Variants in RASAL2 observed in about 807,000 individuals in gnomAD.
RASAL2 encodes the protein ras GTPase-activating protein nGAP.
A neutral mutation model predicts 128.9 loss-of-function variants in RASAL2; 58 were observed. The ratio of observed to expected loss-of-function variants is 0.45; its 90% CI spans 0.36 to 0.56. RASAL2 has a LOEUF of 0.56. Ranked by LOEUF, RASAL2 falls within the 20% of genes least tolerant of loss-of-function variation. The pLI, the probability that RASAL2 is intolerant of heterozygous loss-of-function variation, is 0.00. For missense variants in RASAL2, 1,360 were observed against 1,601.6 expected (o/e 0.85, Z 2.57); for synonymous variants, 561 against 580.8 (o/e 0.97, Z 0.49).
intron 5 of RASAL2, among the ~76,000 whole-genome samples, chr1:178,424,064 G>A (rs941183426): frequency 1.3e-5 from 2 of 152,090 alleles, no homozygotes; most frequent in Admixed American, 6.6e-5. Context: ...AACTCAAGAG[G>A]TGAGGGACCT....
intron 2 of RASAL2, among the ~76,000 whole-genome samples, chr1:178,295,590 G>A (rs994992847): frequency 2.0e-5 from 3 of 152,074 alleles, no homozygotes; most frequent in Non-Finnish European, 2.9e-5. Context: ...ACACCTTAAG[G>A]CAGTGGTTCG....
chr1:178,163,413 C>T (rs1661403873), intron 1 of RASAL2, among the ~76,000 whole-genome samples: 1 of 152,044 alleles, frequency 6.6e-6, no homozygotes, highest in South Asian at 2.1e-4. Context: ...CTTATGTTTT[C>T]TTCTAAGAGT....
chr1:178,396,304 T>C (rs961617796), intron 4 of RASAL2, among the ~76,000 whole-genome samples: 2 of 152,152 alleles, frequency 1.3e-5, no homozygotes, highest in East Asian at 3.8e-4. Context: ...CTCATTCTTA[T>C]AGATGATGTA....
intron 3 of RASAL2, among the ~76,000 whole-genome samples, chr1:178,382,550 A>G (rs901667307): frequency 1.3e-5 from 2 of 152,160 alleles, no homozygotes; most frequent in Non-Finnish European, 2.9e-5. Context: ...TCTAAAGCCA[A>G]ACTGCATGGA....
intron 4 of RASAL2, among the ~76,000 whole-genome samples, chr1:178,391,151 T>C (rs1258234846): frequency 6.6e-5 from 10 of 152,176 alleles, no homozygotes; most frequent in Admixed American, 6.6e-4. Context: ...GGTTCACACC[T>C]GTAATCCTAG....
chr1:178,174,041 A>G (rs973570605), intron 1 of RASAL2, among the ~76,000 whole-genome samples: 6 of 151,988 alleles, frequency 3.9e-5, no homozygotes, highest in Admixed American at 3.3e-4. Context: ...CAGTGACATT[A>G]GGACAGATTT....
chr1:178,404,702 T>G (rs1286399755), intron 4 of RASAL2, among the ~76,000 whole-genome samples: 2 of 147,530 alleles, frequency 1.4e-5, no homozygotes, highest in African/African-American at 5.0e-5. Context: ...TTTTTTTTTT[T>G]TTTGAGTCTC....
intron 1 of RASAL2, among the ~76,000 whole-genome samples, chr1:178,135,340 T>C (rs1660281089): frequency 6.6e-6 from 1 of 152,140 alleles, no homozygotes; most frequent in African/African-American, 2.4e-5. Context: ...AGTTTATACT[T>C]TCTATTTTCA....
At chr1:178,431,338 ACAAATGTCCT>A (rs1196037983) in intron 5 of RASAL2, among the ~76,000 whole-genome samples, 1 of 152,144 alleles carries the variant, frequency 6.6e-6, no homozygotes, top group Non-Finnish European at 1.5e-5. Context: ...ATAAACATGT[ACAAATGTCCT>A]CAATCTCATA....
At position 178,237,249 on chromosome 1, in the gene RASAL2, G is replaced by C. The variant is rs139956669; in HGVS notation, c.203-46315G>C. Among the ~76,000 whole-genome samples the C allele has an allele frequency of 1.3e-3, 200 of 152,112 alleles. 2 individuals are homozygous for C. The highest frequency in any genetic ancestry group is 6.9e-3 in the Admixed American group (105 of 15,258). On this transcript the variant is annotated intron_variant, in intron 1 of 17. Transcript: ENST00000367649. Reference sequence around the variant, plus strand: ...ATGATTCTGTGCTCCTCCATTTGGGGGCCCACTTTGAACACATGATGTTTG... The same window carrying C: ...ATGATTCTGTGCTCCTCCATTTGGGCGCCCACTTTGAACACATGATGTTTG...
intron 1 of RASAL2, among the ~76,000 whole-genome samples, chr1:178,232,917 G>C (rs1179419186): frequency 2.0e-5 from 3 of 152,148 alleles, no homozygotes; most frequent in African/African-American, 7.2e-5. Context: ...CCATAAAGGT[G>C]TTGGTGGGTT....
rs148045674 is a variant in RASAL2, at chr1:178,218,307, G to A, written c.203-65257G>A. 3.1e-3 allele frequency among the ~76,000 whole-genome samples: 471 copies of A among 152,278 alleles called. 2 individuals carry two copies. Among genetic ancestry groups the A allele is most frequent in the Non-Finnish European group, 4.9e-3 (330 of 68,020 alleles). On this transcript the variant is annotated intron_variant, in intron 1 of 17. Transcript: ENST00000367649. ...GTGTATCTCTATCAGAGCTCTTGGG[G>A]TAACTAAGTGCATTGTCAATGAGCA...
intron 2 of RASAL2, among the ~76,000 whole-genome samples, chr1:178,284,492 G>A (rs1478739653): frequency 6.6e-6 from 1 of 152,186 alleles, no homozygotes; most frequent in Non-Finnish European, 1.5e-5. Context: ...ATCTGGCGAG[G>A]TAGACAGAAT....
intron 3 of RASAL2, among the ~76,000 whole-genome samples, chr1:178,342,585 G>T (rs1473174356): frequency 6.6e-6 from 1 of 152,096 alleles, no homozygotes; most frequent in Non-Finnish European, 1.5e-5. Flanking sequence ...GGAAAAAATG[G>T]CTTTCAGTGA....
intron 3 of RASAL2, among the ~76,000 whole-genome samples, chr1:178,368,927 A>G (rs1571941820): frequency 6.6e-6 from 1 of 152,088 alleles, no homozygotes; most frequent in East Asian, 1.9e-4. Flanking sequence ...CTAACCTTCA[A>G]GCATTATTTC....
At chr1:178,154,521 G>A (rs1437260911) in intron 1 of RASAL2, among the ~76,000 whole-genome samples, 1 of 152,170 alleles carries the variant, frequency 6.6e-6, no homozygotes, top group African/African-American at 2.4e-5. Context: ...CCTATTAGCA[G>A]TGTATGAGGG....
chr1:178,285,263 G>A (rs1666971597), intron 2 of RASAL2, among the ~76,000 whole-genome samples: 1 of 151,410 alleles, frequency 6.6e-6, no homozygotes, highest in African/African-American at 2.4e-5. Flanking sequence ...TGGGACTACA[G>A]GCGCCCGCCA....
intron 4 of RASAL2, among the ~76,000 whole-genome samples, chr1:178,399,746 A>G (rs1002279737): frequency 5.3e-5 from 8 of 152,206 alleles, no homozygotes; most frequent in African/African-American, 1.4e-4. Context: ...TGCTTTTTGA[A>G]CAGTACTACT....
chr1:178,280,160 T>G (rs960016876), intron 1 of RASAL2, among the ~76,000 whole-genome samples: 1 of 152,140 alleles, frequency 6.6e-6, no homozygotes, highest in African/African-American at 2.4e-5. Flanking sequence ...ATATTCATAG[T>G]TATTTGAAAA....
Sources: gnomAD v4.1 joint callset for allele counts (sites outside exome capture counted in the v4.1 genomes callset) on GRCh38, gnomAD v4.1.1 for gene constraint, MANE v1.5 for transcripts, NCBI Gene and HGNC (gene_info 2026-07-23, HGNC 2026-07-21) for gene names.